Variants in COL4A5 observed in about 807,000 individuals in gnomAD.
COL4A5 encodes collagen type IV alpha 5 chain, also known as collagen alpha-5(IV) chain.
COL4A5 carries 26 observed loss-of-function variants against 130.2 expected under a neutral mutation model. The ratio of observed to expected loss-of-function variants is 0.20; its 90% confidence interval spans 0.15 to 0.28. The LOEUF (loss-of-function observed/expected upper bound fraction) is 0.28. Ranked by LOEUF, COL4A5 falls within the 10% of genes least tolerant of loss-of-function variation. The pLI is 1.00. For missense variants in COL4A5, 1,131 were observed against 1,344.3 expected (o/e 0.84, Z 2.48); for synonymous variants, 496 against 439.6 (o/e 1.13, Z -1.60).
intron 1 of COL4A5, among the ~76,000 whole-genome samples, chrX:108,451,942 G>T (rs1420222980): frequency 3.6e-5 from 4 of 111,660 alleles, no homozygotes; most frequent in African/African-American, 1.3e-4. Context: ...TTCTTCTAGG[G>T]TTTTTATGGT....
chrX:108,528,448 G>A (rs2065348429), intron 1 of COL4A5, among the ~76,000 whole-genome samples: 1 of 112,132 alleles, frequency 8.9e-6, no homozygotes, highest in Non-Finnish European at 1.9e-5. Context: ...CCAACACAAG[G>A]ACACAAGAAA....
chrX:108,443,163 C>G (rs1335898730), intron 1 of COL4A5: 5 of 111,685 alleles, frequency 4.5e-5, no homozygotes, highest in Non-Finnish European at 9.4e-5. Context: ...TTAGGAGAAG[C>G]AGCATGGTGT....
At chrX:108,506,489 G>C (rs1276133584) in intron 1 of COL4A5, among the ~76,000 whole-genome samples, 1 of 110,724 alleles carries the variant, frequency 9.0e-6, no homozygotes, top group Non-Finnish European at 1.9e-5. Flanking sequence ...TGAGGTGGAT[G>C]ATTCCAGGAT....
intron 1 of COL4A5, among the ~76,000 whole-genome samples, chrX:108,479,335 C>T (rs1439905931): frequency 8.9e-6 from 1 of 112,296 alleles, no homozygotes; most frequent in Admixed American, 9.4e-5. Flanking sequence ...GGCTACAGCC[C>T]GTGAATCAGT....
chrX:108,626,094 C>G, intron 35 of COL4A5, 116 bp from the exon 36 acceptor site: 1 of 693,604 alleles, frequency 1.4e-6, no homozygotes. Flanking sequence ...TCATTATTAT[C>G]TAACTCAGAG....
At chrX:108,536,178 T>C (rs2065454338) in intron 1 of COL4A5, among the ~76,000 whole-genome samples, 1 of 111,306 alleles carries the variant, frequency 9.0e-6, no homozygotes, top group Admixed American at 9.6e-5. Context: ...ATTTATTATT[T>C]TTTATATTTA....
rs1204673260 is a variant in COL4A5 at position 108,627,479 on chromosome X, C to G, written c.3246+1130C>G. On this transcript the variant is annotated intron_variant, in intron 36 of 52. Coordinates refer to ENST00000328300, the MANE Select transcript of COL4A5 (RefSeq NM_033380.3). Reference sequence around the variant, plus strand: ...ACTCTGTACCTTGCTTTATCACTTACCCCTTTTTATTTCTTTTTTCAATAT... The same window carrying G: ...ACTCTGTACCTTGCTTTATCACTTAGCCCTTTTTATTTCTTTTTTCAATAT... 4.0e-6 allele frequency: 3 copies of G among 744,155 alleles called. No individual in the cohort carries two copies. The African/African-American group carries it at 7.0e-5, about 17-fold the overall frequency. 61.3% of individuals were successfully genotyped at this position (744,155 alleles called of 1,213,427 possible). A position where few individuals can be genotyped will look rare whatever the true frequency, so the allele number is the denominator to read the frequency against.
At chrX:108,584,688 A>T (rs771364059) in intron 18 of COL4A5, among the ~76,000 whole-genome samples, 163 bp downstream of exon 18, 2 of 111,302 alleles carry the variant, frequency 1.8e-5, no homozygotes, top group Non-Finnish European at 3.8e-5. Flanking sequence ...ATCTTCAGTA[A>T]TGTTGACCTC....
At chrX:108,673,237 C>G (rs2068239199) in intron 42 of COL4A5, among the ~76,000 whole-genome samples, 1 of 111,295 alleles carries the variant, frequency 9.0e-6, no homozygotes, top group African/African-American at 3.3e-5. Context: ...ACCAGTATTC[C>G]CATTTTACAG....
chrX:108,556,972 T>C (rs1461229963), intron 2 of COL4A5, among the ~76,000 whole-genome samples: 1 of 111,494 alleles, frequency 9.0e-6, no homozygotes, highest in Non-Finnish European at 1.9e-5. Context: ...CATTTATAGG[T>C]ATATGGTTTT....
At chrX:108,673,544 A>C (rs2068245842) in intron 42 of COL4A5, among the ~76,000 whole-genome samples, 2 of 110,393 alleles carry the variant, frequency 1.8e-5, no homozygotes, top group South Asian at 3.8e-4. Flanking sequence ...GCATTGAATA[A>C]TAATAGAGTA....
chrX:108,530,293 C>G (rs1194786539), intron 1 of COL4A5, among the ~76,000 whole-genome samples: 1 of 111,292 alleles, frequency 9.0e-6, no homozygotes, highest in Non-Finnish European at 1.9e-5. Context: ...TAACATGCTC[C>G]TGAGTGGCCA....
At position 108,696,648 on chromosome X, in the gene COL4A5, A is replaced by G; in HGVS notation, c.*270A>G. ...AGAATGACTTTCTCCAAGAATTATA[A>G]GATGAAAATTATATATTTTGCCCAG... On this transcript the variant is annotated 3_prime_UTR_variant, in exon 53 of 53. Transcript: ENST00000328300. 4.8e-6 allele frequency: 1 copy of G among 209,149 alleles called. No individual in the cohort carries two copies. Among genetic ancestry groups the G allele is most frequent in the Non-Finnish European group, 8.7e-6 (1 of 115,314 alleles). The allele number at this position is 209,149 out of a possible 1,213,427, so 17.2% of individuals were successfully genotyped here. A position where few individuals can be genotyped will look rare whatever the true frequency, so the allele number is the denominator to read the frequency against.
In COL4A5 at chrX:108,677,628, C is replaced by A. The variant is rs1180081583; in HGVS notation, c.3937C>A (p.Leu1313Ile). 1 of 1,208,639 alleles carries A rather than the reference C, an allele frequency of 8.3e-7. No individual in the cohort carries two copies. The highest frequency in any genetic ancestry group is 1.7e-5 in the African/African-American group (1 of 57,193). ...GAAAGGAGATCAAGGACCACCAGGACTCCAGGTAGGAAATGGAAGTAGATA... is the reference window on the plus strand; with the variant it reads ...GAAAGGAGATCAAGGACCACCAGGAATCCAGGTAGGAAATGGAAGTAGATA... ...GLKGDQGPPGLQGNPGRPGLN... is the reference protein window; with the variant it reads ...GLKGDQGPPGIQGNPGRPGLN... The change falls in exon 44 of 53, where the codon CTC becomes ATC. Residue 1313 changes from leucine to isoleucine, a missense_variant. Physicochemically the swap from Leu to Ile is conservative, Grantham distance 5. Transcript: ENST00000328300.
At chrX:108,455,375 G>T (rs765671981) in intron 1 of COL4A5, among the ~76,000 whole-genome samples, 1 of 111,895 alleles carries the variant, frequency 8.9e-6, no homozygotes, top group South Asian at 3.7e-4. Context: ...GTTGCTATGG[G>T]CATTTTCTTG....
chrX:108,575,871 TC>T (rs1603281560), intron 9 of COL4A5, 38 bp from the exon 10 acceptor site: 1 of 989,097 alleles, frequency 1.0e-6, no homozygotes. Context: ...GGCTTGTTTT[TC>T]TTTTTTTTCA....
chrX:108,692,719 T>C, intron 49 of COL4A5, 29 bp from the exon 50 acceptor site: 3 of 1,201,806 alleles, frequency 2.5e-6, no homozygotes, highest in Non-Finnish European at 3.4e-6. Context: ...CACGCAGTCC[T>C]TTACTGTTTT....
At chrX:108,561,221 T>A (rs2065894233) in intron 3 of COL4A5, among the ~76,000 whole-genome samples, 1 of 111,750 alleles carries the variant, frequency 8.9e-6, no homozygotes, top group South Asian at 3.8e-4. Context: ...CAGAATCTTG[T>A]GAACTACCCG....
intron 1 of COL4A5, among the ~76,000 whole-genome samples, chrX:108,530,009 TC>T (rs773374745): frequency 9.1e-6 from 1 of 110,396 alleles, no homozygotes; most frequent in East Asian, 2.9e-4. Context: ...AGACAGAAAA[TC>T]AACAAAGAAA....
Sources: allele counts gnomAD v4.1 joint callset (sites outside exome capture counted in the v4.1 genomes callset), GRCh38; gene constraint gnomAD v4.1.1; transcripts MANE v1.5; gene names NCBI Gene and HGNC (gene_info 2026-07-23, HGNC 2026-07-21).